Variants in ATL2 observed in about 807,000 individuals in gnomAD.
ATL2 encodes atlastin GTPase 2.
A neutral mutation model predicts 73.9 loss-of-function variants in ATL2; 31 were observed. The ratio of observed to expected loss-of-function variants is 0.42; its 90% confidence interval spans 0.32 to 0.57. The LOEUF is 0.57. ATL2 is among the 20% of genes least tolerant of loss of function. The pLI is 0.14. For missense variants in ATL2, 738 were observed against 702.6 expected (o/e 1.05, Z -0.57); for synonymous variants, 291 against 237.5 (o/e 1.23, Z -2.07).
chr2:38,357,651 CAAAA>C, intron 1 of ATL2, among the ~76,000 whole-genome samples: 1 of 66,352 alleles, frequency 1.5e-5, no homozygotes, highest in Admixed American at 1.9e-4. Flanking sequence ...GACTCCGTCT[CAAAA>C]AAAAAAAAAA....
At chr2:38,310,204 A>G in intron 8 of ATL2, 105 bp downstream of exon 8, 1 of 1,295,534 alleles carries the variant, frequency 7.7e-7, no homozygotes, top group Non-Finnish European at 1.1e-6. Context: ...GCATCCAAAC[A>G]TTCTCCAGTA....
rs534619021 is a variant in ATL2 at position 38,323,697 on chromosome 2, TAGAC to T, written c.364-4682_364-4679del. 2.7e-4 allele frequency among the ~76,000 whole-genome samples: 41 copies of T among 152,256 alleles called. No homozygotes were observed. The East Asian group carries it at 7.1e-3, about 27-fold the overall frequency. On this transcript the variant is annotated intron_variant, in intron 2 of 12. Coordinates refer to ENST00000378954, the MANE Select transcript of ATL2 (RefSeq NM_001135673.4). ...CTATGTAACCATTTATTTAGTTAGT[TAGAC>T]AGAGAGAAAGAAAACGAGACAGACA...
chr2:38,361,427 AAACAC>A (rs1308595543), intron 1 of ATL2, among the ~76,000 whole-genome samples: 6 of 152,190 alleles, frequency 3.9e-5, no homozygotes, highest in East Asian at 1.9e-4. Flanking sequence ...ACCATGTTTT[AAACAC>A]AACACAATAC....
intron 8 of ATL2, 101 bp downstream of exon 8, chr2:38,310,208 T>G: frequency 7.6e-7 from 1 of 1,319,414 alleles, no homozygotes; most frequent in Non-Finnish European, 1.1e-6. Flanking sequence ...CCAAACATTC[T>G]CCAGTATAAG....
chr2:38,373,374 G>GA (rs1207032204), intron 1 of ATL2, among the ~76,000 whole-genome samples: 3 of 152,180 alleles, frequency 2.0e-5, no homozygotes. Context: ...GTTGTTTGGG[G>GA]ACCAATCATA....
In ATL2 at chr2:38,298,242, G is replaced by T. The variant is rs761759624; in HGVS notation, c.1534C>A (p.Leu512Met). The T allele has an allele frequency of 6.2e-7, 1 of 1,614,080 alleles. No homozygotes were observed. Among genetic ancestry groups the T allele is most frequent in the South Asian group, 1.1e-5 (1 of 91,090 alleles). Residue 512 changes from leucine to methionine, a missense_variant, in exon 12 of 13, where the codon CTG becomes ATG. Transcript: ENST00000378954. ...VLCNLVMGLA[L>M]IFLCTWAYVK... Reference sequence around the variant, plus strand: ...TATGCCCAAGTACAAAGAAATATCAGTGCTAACCCCATGACAAGGTTACAC... The same window carrying T: ...TATGCCCAAGTACAAAGAAATATCATTGCTAACCCCATGACAAGGTTACAC...
At chr2:38,309,629 AT>A in intron 8 of ATL2, 123 bp from the exon 9 acceptor site, 1 of 993,614 alleles carries the variant, frequency 1.0e-6, no homozygotes, top group Non-Finnish European at 1.4e-6. Context: ...AAGTGGATTC[AT>A]TTTTTAAAAA....
intron 1 of ATL2, among the ~76,000 whole-genome samples, chr2:38,352,133 CAAAAAAAAAAAAAAAA>C (rs778821586): frequency 1.9e-4 from 6 of 31,964 alleles, no homozygotes; most frequent in South Asian, 2.7e-3. Flanking sequence ...AAACAACAAC[CAAAAAAAAAAAAAAAA>C]AAAAAAAAAA....
intron 2 of ATL2, among the ~76,000 whole-genome samples, chr2:38,337,214 G>T (rs567071810): frequency 7.2e-4 from 109 of 152,072 alleles, no homozygotes; most frequent in Non-Finnish European, 1.2e-3. Flanking sequence ...GCCAGGCATG[G>T]TGGCTCACAC....
rs530727969 is a variant in ATL2 at position 38,327,884 on chromosome 2, C to T, written c.364-8865G>A. On this transcript the variant is annotated intron_variant, in intron 2 of 12. Coordinates refer to ENST00000378954, the MANE Select transcript of ATL2 (RefSeq NM_001135673.4). ...CAGAGAGGCGGAGGTTGCAGTGAGC[C>T]GAGATTGTGCCACCGCACTCCAGCC... 1.2e-4 allele frequency among the ~76,000 whole-genome samples: 18 copies of T among 152,132 alleles called. No individual in the cohort carries two copies. In the South Asian group the frequency reaches 1.5e-3, roughly 12 times the overall value.
At chr2:38,376,442 GTAAACGGCTCA>G in intron 1 of ATL2, 1 of 314,834 alleles carries the variant, frequency 3.2e-6, no homozygotes, top group Non-Finnish European at 5.7e-6. Context: ...CAAGTGACTC[GTAAACGGCTCA>G]TAACCCCAGT....
At chr2:38,334,441 C>A (rs538699416) in intron 2 of ATL2, among the ~76,000 whole-genome samples, 48 of 152,006 alleles carry the variant, frequency 3.2e-4, no homozygotes, top group African/African-American at 1.1e-3. Context: ...GTGGCTCACA[C>A]CTGTAATCCC....
rs1339832354 is a variant in ATL2 at position 38,315,397 on chromosome 2, A to G, written c.604-63T>C. On this transcript the variant is annotated intron_variant, in intron 4 of 12. Coordinates refer to ENST00000378954, the MANE Select transcript of ATL2 (RefSeq NM_001135673.4). ...TTTGTTCTGAATACCCAGCTTCTGT[A>G]TAACTTTACTTGTGGAAAAAAGGTT... 7 of 1,459,040 alleles carry G rather than the reference A, an allele frequency of 4.8e-6. No individual in the cohort carries two copies. The South Asian group carries it at 5.7e-5, about 12-fold the overall frequency. The allele number at this position is 1,459,040 out of a possible 1,614,324, so 90.4% of individuals were successfully genotyped here.
rs926526452 is a variant in ATL2 at position 38,298,065 on chromosome 2, G to A, written c.1632+79C>T. On this transcript the variant is annotated intron_variant, in intron 12 of 12. Transcript: ENST00000378954. ...ACATTCCTCACATGAAGGCAAAGTC[G>A]GAGTACAAATACTGCAAAGGATGGA... 87 of 1,339,740 alleles carry A rather than the reference G, an allele frequency of 6.5e-5. 1 individual carries two copies. The South Asian group carries it at 8.0e-4, about 12-fold the overall frequency. The allele number at this position is 1,339,740 out of a possible 1,614,324, so 83.0% of individuals were successfully genotyped here.
intron 2 of ATL2, among the ~76,000 whole-genome samples, chr2:38,324,315 G>A (rs1668483997): frequency 6.6e-6 from 1 of 152,098 alleles, no homozygotes; most frequent in African/African-American, 2.4e-5. Flanking sequence ...AATAATAAGC[G>A]AGATCCTCCC....
intron 1 of ATL2, among the ~76,000 whole-genome samples, chr2:38,375,405 G>A (rs748292159): frequency 6.6e-6 from 1 of 152,078 alleles, no homozygotes. Flanking sequence ...TTGCTGATCC[G>A]TCCTAAAAAA....
chr2:38,361,972 G>C (rs890084638), intron 1 of ATL2, among the ~76,000 whole-genome samples: 1 of 152,082 alleles, frequency 6.6e-6, no homozygotes, highest in Non-Finnish European at 1.5e-5. Flanking sequence ...ATACCAAACT[G>C]CTATTCGATG....
chr2:38,352,101 ACT>A lies in ATL2; in HGVS notation c.119-8591_119-8590del, dbSNP rs1670382473. 2.9e-5 allele frequency among the ~76,000 whole-genome samples: 4 copies of A among 137,488 alleles called. No homozygotes were observed. The Admixed American group carries it at 3.1e-4, about 11-fold the overall frequency. The allele number at this position is 137,488 out of a possible 152,430, so 90.2% of individuals were successfully genotyped here. A position where few individuals can be genotyped will look rare whatever the true frequency, so the allele number is the denominator to read the frequency against. On this transcript the variant is annotated intron_variant, in intron 1 of 12. Coordinates refer to ENST00000378954, the MANE Select transcript of ATL2 (RefSeq NM_001135673.4). Reference sequence around the variant, plus strand: ...ACTCCAGCCTGGGCGACAGAGCAAAACTCTGTTTCAAAAACAAACAAAAACAA... The same window carrying A: ...ACTCCAGCCTGGGCGACAGAGCAAAACTGTTTCAAAAACAAACAAAAACAA...
In ATL2 at chr2:38,336,497, C is replaced by T. The variant is rs1223688996; in HGVS notation, c.363+6771G>A. ...GCAAGAAAAGTTACATTTGTACTCA[C>T]ACATATCCTCCCATCAGTCTAGTTC... On this transcript the variant is annotated intron_variant, in intron 2 of 12. Transcript: ENST00000378954. 5.9e-5 allele frequency among the ~76,000 whole-genome samples: 9 copies of T among 152,294 alleles called. No individual in the cohort carries two copies. In the East Asian group the frequency reaches 1.5e-3, roughly 26 times the overall value.
Sources: allele counts gnomAD v4.1 joint callset (sites outside exome capture counted in the v4.1 genomes callset), GRCh38; gene constraint gnomAD v4.1.1; transcripts MANE v1.5; gene names NCBI Gene and HGNC (gene_info 2026-07-23, HGNC 2026-07-21).